NTRK3: variants seen among roughly 807,000 people sequenced by gnomAD.
The protein encoded by NTRK3 is NT-3 growth factor receptor.
In NTRK3, 24 loss-of-function variants were observed where a neutral mutation model predicts 91.7. The observed-to-expected ratio is 0.26, with a 90% CI of 0.19 to 0.37. The LOEUF (loss-of-function observed/expected upper bound fraction) is 0.37, where lower values mean the gene tolerates loss of function less well. Ranked by LOEUF, NTRK3 falls within the 10% of genes least tolerant of loss-of-function variation. The pLI is 1.00. For missense variants in NTRK3, 880 were observed against 1,068.9 expected, an observed-to-expected ratio of 0.82 and a Z score of 2.46; for synonymous variants, 483 against 404.0, an observed-to-expected ratio of 1.20 and a Z score of -2.34.
intron 17 of NTRK3, among the ~76,000 whole-genome samples, chr15:87,905,453 A>G (rs959014554): frequency 6.6e-6 from 1 of 152,174 alleles, no homozygotes; most frequent in Non-Finnish European, 1.5e-5. Flanking sequence ...CAGGTTACCT[A>G]TTTGTTTTCT....
intron 14 of NTRK3, among the ~76,000 whole-genome samples, chr15:88,006,087 A>G (rs748853877): frequency 6.6e-6 from 1 of 152,214 alleles, no homozygotes; most frequent in Non-Finnish European, 1.5e-5. Flanking sequence ...CAGCATCTGT[A>G]GCTGTCAAAA....
chr15:88,230,764 T>C (rs1478062783), intron 3 of NTRK3, among the ~76,000 whole-genome samples: 1 of 152,068 alleles, frequency 6.6e-6, no homozygotes, highest in Non-Finnish European at 1.5e-5. Context: ...AAGACAAAGG[T>C]AAAATGTCTT....
At chr15:88,058,620 C>T (rs930604609) in intron 13 of NTRK3, among the ~76,000 whole-genome samples, 9 of 152,126 alleles carry the variant, frequency 5.9e-5, no homozygotes, top group East Asian at 1.9e-4. Flanking sequence ...CCCCAATGCC[C>T]GTTCCTGAGA....
intron 14 of NTRK3, among the ~76,000 whole-genome samples, chr15:87,947,779 G>C (rs2070717665): frequency 6.6e-6 from 1 of 152,098 alleles, no homozygotes; most frequent in South Asian, 2.1e-4. Flanking sequence ...TAGGGTCTCT[G>C]GCTGCCAAAA....
intron 3 of NTRK3, among the ~76,000 whole-genome samples, chr15:88,238,517 T>C (rs2141850939): frequency 6.6e-6 from 1 of 152,308 alleles, no homozygotes; most frequent in Middle Eastern, 3.4e-3. Flanking sequence ...CTTCTTTTCC[T>C]CTCTCCCTCT....
At position 88,129,800 on chromosome 15, in the gene NTRK3, T is replaced by C. The variant is rs144997680; in HGVS notation, c.1205-1066A>G. 3.2e-3 allele frequency among the ~76,000 whole-genome samples: 495 copies of C among 152,342 alleles called. 2 individuals carry two copies. The highest frequency in any genetic ancestry group is 0.011 in the African/African-American group (465 of 41,576). ...AAACAATGATAGTCCTGGATTGTTATGGATTAGGATTATGTAGTCCCAAAA... is the reference window on the plus strand; with the variant it reads ...AAACAATGATAGTCCTGGATTGTTACGGATTAGGATTATGTAGTCCCAAAA... On this transcript the variant is annotated intron_variant, in intron 10 of 18. Transcript: ENST00000394480.
chr15:88,068,313 T>C (rs571001825), intron 13 of NTRK3, among the ~76,000 whole-genome samples: 1 of 152,136 alleles, frequency 6.6e-6, no homozygotes, highest in African/African-American at 2.4e-5. Flanking sequence ...TCACCTGTAA[T>C]CCCAGCTACT....
At chr15:87,871,772 G>A in exon 19 of NTRK3, 1 of 222,974 alleles carries the variant, frequency 4.5e-6, no homozygotes, top group Non-Finnish European at 9.0e-6. Context: ...CTTCAAACAG[G>A]CCTTCTTTGA....
intron 17 of NTRK3, among the ~76,000 whole-genome samples, chr15:87,895,273 A>G (rs1292478932): frequency 6.6e-6 from 1 of 152,246 alleles, no homozygotes; most frequent in Non-Finnish European, 1.5e-5. Context: ...GTACTACTGT[A>G]CTATAGCATA....
intron 14 of NTRK3, among the ~76,000 whole-genome samples, chr15:88,030,279 G>C (rs2078404495): frequency 6.6e-6 from 1 of 152,160 alleles, no homozygotes; most frequent in African/African-American, 2.4e-5. Context: ...CACAAATCTA[G>C]AGGGCTCTAG....
chr15:88,035,023 A>G (rs1190757401), intron 13 of NTRK3, among the ~76,000 whole-genome samples: 1 of 152,246 alleles, frequency 6.6e-6, no homozygotes, highest in African/African-American at 2.4e-5. Context: ...AGGAAATTCA[A>G]AAAATATCTG....
intron 3 of NTRK3, among the ~76,000 whole-genome samples, chr15:88,231,660 G>A (rs554482840): frequency 2.0e-5 from 3 of 152,140 alleles, no homozygotes; most frequent in African/African-American, 4.8e-5. Flanking sequence ...TGCTGAACCC[G>A]CTGTACCCTA....
In NTRK3 at chr15:88,178,481, T is replaced by C. The variant is rs577422755; in HGVS notation, c.395+4937A>G. 3.9e-5 allele frequency among the ~76,000 whole-genome samples: 6 copies of C among 152,304 alleles called. No individual in the cohort carries two copies. The East Asian group carries it at 7.7e-4, about 20-fold the overall frequency. On this transcript the variant is annotated intron_variant, in intron 5 of 18. Coordinates refer to ENST00000394480, the Ensembl canonical transcript of NTRK3. Reference sequence around the variant, plus strand: ...ATACAATCATGCTCAAATCAGGACATTCTCCATCTTTTACCCCACTCTGAT... The same window carrying C: ...ATACAATCATGCTCAAATCAGGACACTCTCCATCTTTTACCCCACTCTGAT...
chr15:88,179,655 G>A (rs552768473), intron 5 of NTRK3, among the ~76,000 whole-genome samples: 1 of 152,260 alleles, frequency 6.6e-6, no homozygotes, highest in South Asian at 2.1e-4. Flanking sequence ...GGGAAAGAGG[G>A]GCCAGCTGCA....
At chr15:87,987,159 G>A (rs1316265595) in intron 14 of NTRK3, among the ~76,000 whole-genome samples, 2 of 152,202 alleles carry the variant, frequency 1.3e-5, no homozygotes, top group Non-Finnish European at 2.9e-5. Context: ...AAAAACATTT[G>A]AGAAGCACAT....
At chr15:87,921,696 T>A (rs2067889193) in intron 17 of NTRK3, among the ~76,000 whole-genome samples, 1 of 152,144 alleles carries the variant, frequency 6.6e-6, no homozygotes, top group Non-Finnish European at 1.5e-5. Context: ...AAAGCTTGTC[T>A]GATTTTGGGG....
At chr15:88,231,646 G>C (rs1005491350) in intron 3 of NTRK3, among the ~76,000 whole-genome samples, 3 of 152,200 alleles carry the variant, frequency 2.0e-5, no homozygotes, top group Non-Finnish European at 4.4e-5. Context: ...CAGTGTAAGA[G>C]AGGTGCTGAA....
intron 3 of NTRK3, among the ~76,000 whole-genome samples, chr15:88,248,778 GCA>G (rs1227275429): frequency 6.6e-6 from 1 of 152,120 alleles, no homozygotes. Flanking sequence ...AGAGTGCTTG[GCA>G]CAGTGTCTAG....
rs571394738 is a variant in NTRK3, at chr15:88,213,016, C to T, written c.249-28717G>A. On this transcript the variant is annotated intron_variant, in intron 3 of 18. Transcript: ENST00000394480. Reference sequence around the variant, plus strand: ...TCGCCTGGGCACCTGACGCCAACAGCCCATGCAGAATGGCCCCGTATGTGT... The same window carrying T: ...TCGCCTGGGCACCTGACGCCAACAGTCCATGCAGAATGGCCCCGTATGTGT... Among the ~76,000 whole-genome samples, 5 of 152,362 alleles carry T rather than the reference C, an allele frequency of 3.3e-5. No individual in the cohort carries two copies. The East Asian group carries it at 9.6e-4, about 29-fold the overall frequency.
Sources: allele counts gnomAD v4.1 joint callset (sites outside exome capture counted in the v4.1 genomes callset), GRCh38; gene constraint gnomAD v4.1.1; transcripts MANE v1.5; gene names NCBI Gene and HGNC (gene_info 2026-07-23, HGNC 2026-07-21).